PLXNA4: variants seen among roughly 807,000 people sequenced by gnomAD.
PLXNA4 encodes the protein plexin A4.
PLXNA4 carries 44 observed loss-of-function variants against 191.8 expected under a neutral mutation model. The observed-to-expected ratio is 0.23, with a 90% CI of 0.18 to 0.29. The LOEUF is 0.29. Ranked by LOEUF, PLXNA4 falls within the 10% of genes least tolerant of loss-of-function variation. PLXNA4 has a pLI of 1.00. For synonymous variants in PLXNA4, 1,082 were observed against 1,009.5 expected (o/e 1.07, Z -1.36); for missense variants, 1,800 against 2,488.8 (o/e 0.72, Z 5.89).
intron 1 of PLXNA4, among the ~76,000 whole-genome samples, chr7:132,555,866 T>TA (rs771824596): frequency 6.6e-6 from 1 of 152,224 alleles, no homozygotes; most frequent in Non-Finnish European, 1.5e-5. Context: ...CACTGTTTGT[T>TA]AAAAAACATA....
chr7:132,571,959 G>A (rs1035376889), intron 1 of PLXNA4, among the ~76,000 whole-genome samples: 6 of 152,102 alleles, frequency 3.9e-5, no homozygotes, highest in African/African-American at 1.4e-4. Context: ...AACAGCCAAG[G>A]AGAAGACTCA....
At chr7:132,486,294 C>T (rs1797555203) in intron 3 of PLXNA4, among the ~76,000 whole-genome samples, 1 of 152,182 alleles carries the variant, frequency 6.6e-6, no homozygotes, top group African/African-American at 2.4e-5. Flanking sequence ...GTCCTGATAA[C>T]CTCTGGGAAA....
At chr7:132,608,564 C>T (rs1004906949) in intron 2 of PLXNA4, among the ~76,000 whole-genome samples, 1 of 152,158 alleles carries the variant, frequency 6.6e-6, no homozygotes, top group Non-Finnish European at 1.5e-5. Context: ...AAGGCATTCA[C>T]CCTTTGCCCT....
intron 3 of PLXNA4, among the ~76,000 whole-genome samples, chr7:132,475,359 C>T (rs1332780396): frequency 6.6e-6 from 1 of 152,200 alleles, no homozygotes; most frequent in Non-Finnish European, 1.5e-5. Flanking sequence ...CCCATACTCA[C>T]ATGTGTTCAC....
intron 4 of PLXNA4, among the ~76,000 whole-genome samples, chr7:132,251,698 G>GCA (rs1267929986): frequency 2.6e-5 from 4 of 152,242 alleles, no homozygotes; most frequent in African/African-American, 4.8e-5. Context: ...TGAGTGCACA[G>GCA]CAGCCCAAGG....
At chr7:132,617,982 C>T (rs1401606468) in intron 2 of PLXNA4, among the ~76,000 whole-genome samples, 1 of 152,170 alleles carries the variant, frequency 6.6e-6, no homozygotes, top group East Asian at 1.9e-4. Context: ...CTCCAGTTAC[C>T]ACCTCCAGGC....
At chr7:132,260,513 A>G (rs1250470676) in intron 4 of PLXNA4, among the ~76,000 whole-genome samples, 6 of 152,114 alleles carry the variant, frequency 3.9e-5, no homozygotes, top group African/African-American at 1.4e-4. Context: ...AGGGAGTACT[A>G]GAGTGGGGAG....
At chr7:132,577,701 G>A (rs1276610604), upstream of PLXNA4, among the ~76,000 whole-genome samples, 1 of 152,148 alleles carries the variant, frequency 6.6e-6, no homozygotes, top group Non-Finnish European at 1.5e-5. Flanking sequence ...TGACCGGAGC[G>A]CACGGCGCGC....
chr7:132,419,277 G>C (rs897713770), intron 3 of PLXNA4, among the ~76,000 whole-genome samples: 2 of 152,194 alleles, frequency 1.3e-5, no homozygotes, highest in African/African-American at 2.4e-5. Flanking sequence ...AAATGCAGCA[G>C]AGAATCTTGT....
chr7:132,421,670 C>G (rs1294291320), intron 3 of PLXNA4, among the ~76,000 whole-genome samples: 1 of 151,452 alleles, frequency 6.6e-6, no homozygotes, highest in Non-Finnish European at 1.5e-5. Flanking sequence ...ATGAAAGATA[C>G]AAAATATCAA....
chr7:132,614,004 G>A (rs114780801), intron 2 of PLXNA4, among the ~76,000 whole-genome samples: 192 of 152,286 alleles, frequency 1.3e-3, no homozygotes, highest in African/African-American at 4.4e-3. Context: ...TCTGGAGGGA[G>A]GAACAGCTTG....
intron 3 of PLXNA4, among the ~76,000 whole-genome samples, chr7:132,430,360 T>C (rs1795213922): frequency 6.6e-6 from 1 of 152,040 alleles, no homozygotes; most frequent in South Asian, 2.1e-4. Context: ...GCTCAGGAAA[T>C]GCTGAGTGAA....
At chr7:132,365,360 T>TGTGTGTGTGTGCGCGCGCGC in intron 3 of PLXNA4, among the ~76,000 whole-genome samples, 7 of 128,828 alleles carry the variant, frequency 5.4e-5, no homozygotes, top group South Asian at 4.9e-4. Context: ...TGTGTGTGTG[T>TGTGTGTGTGTGCGCGCGCGC]GCGTGCGCGC....
chr7:132,494,004 A>G (rs762127553), intron 2 of PLXNA4, among the ~76,000 whole-genome samples: 2 of 152,192 alleles, frequency 1.3e-5, no homozygotes, highest in Non-Finnish European at 2.9e-5. Flanking sequence ...TGTGGTGAGG[A>G]TTAAATAATT....
chr7:132,334,252 C>CTTTTTTTTTTTTTTTTTTTTTTTTAT (rs71529758), intron 3 of PLXNA4, among the ~76,000 whole-genome samples: 1 of 75,608 alleles, frequency 1.3e-5, no homozygotes, highest in Non-Finnish European at 2.4e-5. Context: ...TTCTTTCTTT[C>CTTTTTTTTTTTTTTTTTTTTTTTTAT]TTTTTTTTTT....
Position 132,530,989 on chromosome 7 carries a change from T to C in PLXNA4, c.-86-22210A>G, listed in dbSNP as rs545778528. The stretch of plus-strand genomic sequence containing the variant: ...TAAGCCAGACATAAAAGGACAAATA[T>C]TGTAAGAATCTACTTATCTGAATCT... On this transcript the variant is annotated intron_variant, in intron 1 of 31. Transcript: ENST00000321063. Among the ~76,000 whole-genome samples, 15 of 152,336 alleles carry C rather than the reference T, an allele frequency of 9.8e-5. 1 individual carries two copies. The South Asian group carries it at 3.1e-3, about 32-fold the overall frequency.
At chr7:132,488,463 T>C (rs1797650356) in intron 3 of PLXNA4, among the ~76,000 whole-genome samples, 1 of 152,074 alleles carries the variant, frequency 6.6e-6, no homozygotes, top group Non-Finnish European at 1.5e-5. Flanking sequence ...AAGCAAGAGC[T>C]CCACATGGAA....
At chr7:132,132,291 C>T (rs1396540507) in intron 31 of PLXNA4, among the ~76,000 whole-genome samples, 1 of 152,232 alleles carries the variant, frequency 6.6e-6, no homozygotes, top group Non-Finnish European at 1.5e-5. Flanking sequence ...AGCACCATGG[C>T]ACTGGCCAGA....
intron 1 of PLXNA4, among the ~76,000 whole-genome samples, chr7:132,515,512 C>G (rs1440445246): frequency 6.6e-6 from 1 of 152,188 alleles, no homozygotes; most frequent in African/African-American, 2.4e-5. Context: ...CTCTCTAATA[C>G]ACTATTTTTC....
Sources: gnomAD v4.1 joint callset for allele counts (sites outside exome capture counted in the v4.1 genomes callset) on GRCh38, gnomAD v4.1.1 for gene constraint, MANE v1.5 for transcripts, NCBI Gene and HGNC (gene_info 2026-07-23, HGNC 2026-07-21) for gene names.